The following WDR12 variants were observed in gnomAD, a reference collection of about 807,000 sequenced individuals.
The protein encoded by WDR12 is ribosome biogenesis protein WDR12.
WDR12 carries 42 observed loss-of-function variants against 64.3 expected under a neutral mutation model. That is an observed-to-expected ratio of 0.65 (90% confidence interval 0.51 to 0.84). The LOEUF (loss-of-function observed/expected upper bound fraction) is 0.84, where lower values mean the gene tolerates loss of function less well. Among genes scored for constraint, WDR12 ranks in the 40% least tolerant of loss-of-function variants. The probability of loss-of-function intolerance (pLI) is 0.00; values close to 1 mark genes in which losing one functional copy is unlikely to be tolerated. For synonymous variants in WDR12, 158 were observed against 173.3 expected, an observed-to-expected ratio of 0.91 and a Z score of 0.70; for missense variants, 469 against 494.6, an observed-to-expected ratio of 0.95 and a Z score of 0.49.
chr2:202,894,412 G>C (rs1378802801), intron 7 of WDR12, among the ~76,000 whole-genome samples, 169 bp downstream of exon 7: 2 of 152,234 alleles, frequency 1.3e-5, no homozygotes, highest in Admixed American at 1.3e-4. Context: ...AGTAGAGACG[G>C]GGTCTCACTA....
In WDR12 at chr2:202,874,408, A is replaced by C. The variant is rs958952439; in HGVS notation, c.*6452T>G. ...TACAAGCTAACTAGACAAGAACATT[A>C]GATGACTTGGAATGTAGGGCTCCAC... On this transcript the variant is annotated 3_prime_UTR_variant, in exon 13 of 13. Coordinates refer to ENST00000261015, the MANE Select transcript of WDR12 (RefSeq NM_018256.4). Among the ~76,000 whole-genome samples, 7 of 152,324 alleles carry C rather than the reference A, an allele frequency of 4.6e-5. No homozygotes were observed. Among genetic ancestry groups the C allele is most frequent in the South Asian group, 4.1e-4 (2 of 4,828 alleles).
Position 202,877,509 on chromosome 2 carries a change from TTAAAAAA to T in WDR12, c.*3344_*3350del, listed in dbSNP as rs1687880726. 6.6e-6 allele frequency: 1 copy of T among 151,606 alleles called. No individual in the cohort carries two copies. The highest frequency in any genetic ancestry group is 1.5e-5 in the Non-Finnish European group (1 of 67,914). The allele number at this position is 151,606 out of a possible 1,614,324, so 9.4% of individuals were successfully genotyped here. A position where few individuals can be genotyped will look rare whatever the true frequency, so the allele number is the denominator to read the frequency against. On this transcript the variant is annotated 3_prime_UTR_variant, in exon 13 of 13. Transcript: ENST00000261015. ...CAAAAAAAGTAATAATAAAAATAAA[TTAAAAAA>T]TAAAAAATAAAAAATTGACTGGGTG...
intron 4 of WDR12, 33 bp from the exon 5 acceptor site, chr2:202,897,448 A>G: frequency 7.5e-7 from 1 of 1,340,388 alleles, no homozygotes; most frequent in Non-Finnish European, 1.0e-6. Context: ...GAAACACAAA[A>G]AGCAGTTTTT....
Position 202,883,783 on chromosome 2 carries a change from G to T in WDR12, c.989-42C>A, listed in dbSNP as rs775817399. On this transcript the variant is annotated intron_variant, in intron 10 of 12. Coordinates refer to ENST00000261015, the MANE Select transcript of WDR12 (RefSeq NM_018256.4). Reference sequence around the variant, plus strand: ...AGACAAGCGTTGAATTTTAGAAAAGGGAAGTAGGTAGAAGGAACCCAAAAA... The same window carrying T: ...AGACAAGCGTTGAATTTTAGAAAAGTGAAGTAGGTAGAAGGAACCCAAAAA... 22 of 1,592,138 alleles carry T rather than the reference G, an allele frequency of 1.4e-5. 1 individual carries two copies. In the Admixed American group the frequency reaches 4.1e-4, roughly 29 times the overall value.
chr2:202,897,902 A>ATAT (rs1258653444), intron 4 of WDR12, among the ~76,000 whole-genome samples: 28 of 40,398 alleles, frequency 6.9e-4, no homozygotes, highest in South Asian at 1.3e-3. Context: ...AAAAAAAAAA[A>ATAT]AAAAAAATAT....
intron 2 of WDR12, among the ~76,000 whole-genome samples, chr2:202,905,780 C>T (rs563998871): frequency 9.2e-5 from 14 of 152,246 alleles, no homozygotes; most frequent in Admixed American, 3.3e-4. Context: ...AGAAAACAAA[C>T]TTTGCATATT....
At chr2:202,894,493 A>G in intron 7 of WDR12, 88 bp downstream of exon 7, 1 of 1,180,842 alleles carries the variant, frequency 8.5e-7, no homozygotes, top group Non-Finnish European at 1.2e-6. Context: ...AAGTGCTGAG[A>G]TTATAGGCGT....
chr2:202,881,150 T>C (rs879598940), intron 12 of WDR12, among the ~76,000 whole-genome samples: 2 of 152,190 alleles, frequency 1.3e-5, no homozygotes, highest in African/African-American at 4.8e-5. Flanking sequence ...TCATTTAAAT[T>C]TGGTTGAGAC....
chr2:202,884,053 T>C (rs143035655), intron 10 of WDR12, 145 bp downstream of exon 10: 80,794 of 770,840 alleles, frequency 0.1, 4,942 homozygotes, highest in Non-Finnish European at 0.13. Flanking sequence ...CCTCATGATC[T>C]GCCCGCCTCG....
chr2:202,887,004 G>T (rs1334705309), intron 8 of WDR12, among the ~76,000 whole-genome samples: 1 of 152,104 alleles, frequency 6.6e-6, no homozygotes, highest in South Asian at 2.1e-4. Flanking sequence ...GTAATATTCT[G>T]CTGTATGAAT....
chr2:202,884,249 C>G lies in WDR12; in HGVS notation c.937G>C (p.Ala313Pro). The G allele has an allele frequency of 1.2e-6, 2 of 1,613,764 alleles. No individual in the cohort carries two copies. The highest frequency in any genetic ancestry group is 1.1e-5 in the South Asian group (1 of 91,066). ...ATATGCCTATCTGTGCTTCCAGATG[C>G]TAAACGTTTACAAAGTGGAGAATAG... ...ISYSPLCKRL[A>P]SGSTDRHIRL... Residue 313 changes from alanine to proline, a missense_variant, in exon 10 of 13, where the codon GCA becomes CCA. Transcript: ENST00000261015.
At chr2:202,909,933 C>T (rs1365090088) in intron 1 of WDR12, among the ~76,000 whole-genome samples, 1 of 151,868 alleles carries the variant, frequency 6.6e-6, no homozygotes, top group Non-Finnish European at 1.5e-5. Flanking sequence ...GTAGCTGGGA[C>T]CACAGGTGGG....
intron 8 of WDR12, among the ~76,000 whole-genome samples, chr2:202,885,189 T>G (rs1021075365): frequency 5.3e-5 from 8 of 152,192 alleles, no homozygotes; most frequent in Non-Finnish European, 1.2e-4. Flanking sequence ...CATATGCAGT[T>G]AACACTCCAT....
chr2:202,898,073 A>ACC (rs1320448820), intron 4 of WDR12, among the ~76,000 whole-genome samples: 1 of 30,094 alleles, frequency 3.3e-5, no homozygotes, highest in Non-Finnish European at 1.1e-4. Context: ...TTCCAAAACC[A>ACC]CCCCCACCCA....
intron 7 of WDR12, 113 bp downstream of exon 7, chr2:202,894,468 T>C: frequency 2.3e-6 from 2 of 858,606 alleles, no homozygotes; most frequent in Non-Finnish European, 3.5e-6. Flanking sequence ...GTGATCCTTC[T>C]ACCCTGGCTT....
At position 202,892,709 on chromosome 2, in the gene WDR12, C is replaced by A; in HGVS notation, c.656-7G>T. On this transcript the variant is annotated splice_region_variant and splice_polypyrimidine_tract_variant and intron_variant, in intron 7 of 12. Coordinates refer to ENST00000261015, the MANE Select transcript of WDR12 (RefSeq NM_018256.4). The stretch of plus-strand genomic sequence containing the variant: ...TCTTCTTCATCTGTAGGGACTGTGT[C>A]ATAGAGAATTAGATTTGACATTTTA... The A allele has an allele frequency of 6.2e-7, 1 of 1,600,904 alleles. No homozygotes were observed. Among genetic ancestry groups the A allele is most frequent in the South Asian group, 1.1e-5 (1 of 90,516 alleles).
intron 8 of WDR12, among the ~76,000 whole-genome samples, chr2:202,887,339 G>C (rs550855815): frequency 1.3e-4 from 20 of 152,122 alleles, no homozygotes; most frequent in Admixed American, 1.2e-3. Flanking sequence ...GTTTTAATAA[G>C]GGGTTGTTTT....
At chr2:202,898,052 A>G (rs1574408120) in intron 4 of WDR12, among the ~76,000 whole-genome samples, 3 of 114,528 alleles carry the variant, frequency 2.6e-5, no homozygotes, top group Non-Finnish European at 3.6e-5. Flanking sequence ...TTCACTATGT[A>G]TATGTTAATA....
chr2:202,882,720 T>G lies in WDR12; in HGVS notation c.1185A>C (p.Thr395=), dbSNP rs768327377. The G allele has an allele frequency of 6.2e-7, 1 of 1,613,846 alleles. No individual in the cohort carries two copies. The highest frequency in any genetic ancestry group is 1.1e-5 in the South Asian group (1 of 91,074). ...ACTAATAAATTCTTACCCCTGTGTC[T>G]GTCCAGTCTACACTCAGAACTTTGT... The part of the protein sequence containing the change: ...HEDKVLSVDW[T]DTGLLLSGGA... The change falls in exon 12 of 13, where the codon ACA becomes ACC. Residue 395 remains threonine, a synonymous_variant. Transcript: ENST00000261015.
Sources: gnomAD v4.1 joint callset for allele counts (sites outside exome capture counted in the v4.1 genomes callset) on GRCh38, gnomAD v4.1.1 for gene constraint, MANE v1.5 for transcripts, NCBI Gene and HGNC (gene_info 2026-07-23, HGNC 2026-07-21) for gene names.